CENPK: variants seen among roughly 807,000 people sequenced by gnomAD.
CENPK encodes centromere protein K, also known as SoxLZ/Sox6-binding protein Solt.
A neutral mutation model predicts 40.9 loss-of-function variants in CENPK; 46 were observed. The ratio of observed to expected loss-of-function variants is 1.13; its 90% confidence interval spans 0.89 to 1.44. The LOEUF (loss-of-function observed/expected upper bound fraction) is 1.44, where lower values mean the gene tolerates loss of function less well. Ranked by LOEUF, CENPK falls within the 40% of genes most tolerant of loss-of-function variation. The probability of loss-of-function intolerance (pLI) is 0.00; values close to 1 mark genes in which losing one functional copy is unlikely to be tolerated. For missense variants in CENPK, 288 were observed against 303.5 expected (o/e 0.95, Z 0.38); for synonymous variants, 107 against 104.4 (o/e 1.02, Z -0.15).
At chr5:65,551,850 T>C (rs1750120901) in intron 4 of CENPK, among the ~76,000 whole-genome samples, 1 of 152,130 alleles carries the variant, frequency 6.6e-6, no homozygotes, top group Non-Finnish European at 1.5e-5. Context: ...ATTATTATAA[T>C]GAATGTCAGT....
At chr5:65,535,448 A>T (rs987795971) in intron 6 of CENPK, among the ~76,000 whole-genome samples, 1 of 152,194 alleles carries the variant, frequency 6.6e-6, no homozygotes, top group Admixed American at 6.5e-5. Context: ...CACCAGCTTG[A>T]TTAGAGAGTT....
Position 65,528,349 on chromosome 5 carries a change from T to C in CENPK, c.597+103A>G, listed in dbSNP as rs1166478048. 9 of 964,014 alleles carry C rather than the reference T, an allele frequency of 9.3e-6. No homozygotes were observed. The African/African-American group carries it at 1.2e-4, about 13-fold the overall frequency. 59.7% of individuals were successfully genotyped at this position (964,014 alleles called of 1,614,324 possible). On this transcript the variant is annotated intron_variant, in intron 9 of 10. Transcript: ENST00000396679. ...ATAATGTGATAATGGCATATTTCCA[T>C]ACATGTGCATACCTTTGAACTAAAT... is the stretch of plus-strand genomic sequence containing the variant.
the CENPK span, among the ~76,000 whole-genome samples, chr5:65,503,968 T>A: frequency 5.7e-5 from 8 of 140,414 alleles, no homozygotes; most frequent in Admixed American, 4.9e-4. Context: ...CTAAAAAAAT[T>A]TTTTTTTTTA....
intron 6 of CENPK, among the ~76,000 whole-genome samples, chr5:65,538,406 A>C (rs1747347233): frequency 6.6e-6 from 1 of 151,804 alleles, no homozygotes; most frequent in Admixed American, 6.6e-5. Flanking sequence ...TTCACTGGGG[A>C]CTCCATATAT....
At position 65,522,503 on chromosome 5, in the gene CENPK, A is replaced by G. The variant is rs536570308; in HGVS notation, c.598-975T>C. Among the ~76,000 whole-genome samples the G allele has an allele frequency of 4.6e-5, 7 of 152,186 alleles. No individual in the cohort carries two copies. The East Asian group carries it at 1.2e-3, about 25-fold the overall frequency. ...GAGTGCAGTGGTGCCATCATAGCCC[A>G]CTGCAGCCTCAACTTCCTGGGCTCA... On this transcript the variant is annotated intron_variant, in intron 9 of 10. Transcript: ENST00000396679.
At chr5:65,524,257 C>T (rs891662130) in intron 9 of CENPK, among the ~76,000 whole-genome samples, 6 of 148,192 alleles carry the variant, frequency 4.0e-5, no homozygotes, top group African/African-American at 1.2e-4. Flanking sequence ...TGGTTGCAGG[C>T]GCCTGTACTC....
At chr5:65,504,923 T>A in the CENPK span, among the ~76,000 whole-genome samples, 11 of 152,288 alleles carry the variant, frequency 7.2e-5, no homozygotes, top group African/African-American at 2.2e-4. Flanking sequence ...GTTTTTTATA[T>A]GTCAGAAAGT....
At chr5:65,519,045 A>G (rs1743219883) in intron 10 of CENPK, among the ~76,000 whole-genome samples, 1 of 152,184 alleles carries the variant, frequency 6.6e-6, no homozygotes, top group Non-Finnish European at 1.5e-5. Flanking sequence ...CAAAACACCT[A>G]TTCTTCTGAT....
At chr5:65,546,546 T>A (rs969634437) in intron 5 of CENPK, among the ~76,000 whole-genome samples, 2 of 152,232 alleles carry the variant, frequency 1.3e-5, no homozygotes, top group African/African-American at 4.8e-5. Flanking sequence ...TTGTTATTGG[T>A]TGATGTGTCC....
At chr5:65,548,832 C>G (rs1169333769) in intron 5 of CENPK, among the ~76,000 whole-genome samples, 1 of 152,164 alleles carries the variant, frequency 6.6e-6, no homozygotes, top group African/African-American at 2.4e-5. Flanking sequence ...TTAGATACTT[C>G]TACCACATTT....
chr5:65,521,390 A>AT (rs1743713217), intron 10 of CENPK, 85 bp downstream of exon 10: 3 of 841,292 alleles, frequency 3.6e-6, no homozygotes, highest in South Asian at 3.1e-5. Context: ...TTAAAGCAGT[A>AT]TTTTTTGTTT....
intron 5 of CENPK, among the ~76,000 whole-genome samples, chr5:65,546,422 A>G (rs1429998996): frequency 6.6e-6 from 1 of 152,242 alleles, no homozygotes; most frequent in African/African-American, 2.4e-5. Context: ...AGAAAAGGTC[A>G]GTTCATGAAT....
At chr5:65,506,154 C>A in the CENPK span, among the ~76,000 whole-genome samples, 31 of 151,382 alleles carry the variant, frequency 2.0e-4, no homozygotes, top group African/African-American at 7.0e-4. Flanking sequence ...GAGGCCCAGG[C>A]GGGAGAATGT....
intron 6 of CENPK, among the ~76,000 whole-genome samples, chr5:65,532,229 T>C (rs898818612): frequency 6.6e-6 from 1 of 152,204 alleles, no homozygotes; most frequent in African/African-American, 2.4e-5. Flanking sequence ...AATTTGTAAT[T>C]ACAAATTTTC....
At chr5:65,545,453 A>T (rs62369010) in intron 5 of CENPK, among the ~76,000 whole-genome samples, 1 of 151,912 alleles carries the variant, frequency 6.6e-6, no homozygotes, top group South Asian at 2.1e-4. Flanking sequence ...GGCAGAGGTA[A>T]GTGGCACATT....
chr5:65,508,299 T>A, the CENPK span, among the ~76,000 whole-genome samples: 346 of 152,344 alleles, frequency 2.3e-3, 2 homozygotes, highest in African/African-American at 8.0e-3. Flanking sequence ...AAAGACAACT[T>A]TTCTTCTATG....
chr5:65,535,419 A>T (rs1405240247), intron 6 of CENPK, among the ~76,000 whole-genome samples: 1 of 152,222 alleles, frequency 6.6e-6, no homozygotes, highest in Non-Finnish European at 1.5e-5. Context: ...TTCTATGTCT[A>T]GAACCTTGGG....
chr5:65,509,792 C>T, the CENPK span, among the ~76,000 whole-genome samples: 1 of 152,210 alleles, frequency 6.6e-6, no homozygotes, highest in East Asian at 1.9e-4. Flanking sequence ...ATATCTCCAA[C>T]AGCTCATGCT....
chr5:65,551,635 A>G lies in CENPK; in HGVS notation c.170T>C (p.Leu57Pro). 6.5e-7 allele frequency: 1 copy of G among 1,548,046 alleles called. No homozygotes were observed. The highest frequency in any genetic ancestry group is 2.3e-5 in the East Asian group (1 of 43,704). The change falls in exon 5 of 11, where the codon CTA becomes CCA. Residue 57 changes from leucine (L) to proline (P), a missense_variant and splice_region_variant. Coordinates refer to ENST00000396679, the MANE Select transcript of CENPK (RefSeq NM_022145.5). ...TETLTDSNAQ[L>P]SLLIMQVKCL... ...TTTTACTTGCATAATTAACAATGAT[A>G]GCTACAAAAGAAGAAAACAAAGTCA... is the stretch of plus-strand genomic sequence containing the variant.
Sources: gnomAD v4.1 joint callset for allele counts (sites outside exome capture counted in the v4.1 genomes callset) on GRCh38, gnomAD v4.1.1 for gene constraint, MANE v1.5 for transcripts, NCBI Gene and HGNC (gene_info 2026-07-23, HGNC 2026-07-21) for gene names.